The following CTNNBL1 variants were observed in gnomAD, a reference collection of about 807,000 sequenced individuals.
CTNNBL1 encodes the protein beta-catenin-like protein 1.
In CTNNBL1, 31 loss-of-function variants were observed where a neutral mutation model predicts 72.7. The ratio of observed to expected loss-of-function variants is 0.43; its 90% CI spans 0.32 to 0.58. The LOEUF (loss-of-function observed/expected upper bound fraction) is 0.58. Ranked by LOEUF, CTNNBL1 falls within the 20% of genes least tolerant of loss-of-function variation. The probability of loss-of-function intolerance (pLI) is 0.08; values close to 1 mark genes in which losing one functional copy is unlikely to be tolerated. For missense variants in CTNNBL1, 534 were observed against 725.1 expected (o/e 0.74, Z 3.03); for synonymous variants, 240 against 267.3 (o/e 0.90, Z 1.00).
chr20:37,746,708 G>T lies in CTNNBL1; in HGVS notation c.466+101G>T, dbSNP rs1302606789. On this transcript the variant is annotated intron_variant, in intron 4 of 15. Transcript: ENST00000361383. ...TTTGTAGATGTGTGCTATAAAATCT[G>T]ATGTTCTGTTTCCATTCTAATTATC... is the stretch of plus-strand genomic sequence containing the variant. 1.7e-5 allele frequency: 24 copies of T among 1,390,134 alleles called. No individual in the cohort carries two copies. The Admixed American group carries it at 3.9e-4, about 23-fold the overall frequency. 86.1% of individuals were successfully genotyped at this position (1,390,134 alleles called of 1,614,324 possible). A position where few individuals can be genotyped will look rare whatever the true frequency, so the allele number is the denominator to read the frequency against.
chr20:37,851,676 C>A (rs2072398442), intron 13 of CTNNBL1, among the ~76,000 whole-genome samples: 1 of 152,216 alleles, frequency 6.6e-6, no homozygotes, highest in Non-Finnish European at 1.5e-5. Context: ...AGAGATTCAT[C>A]TCTTTAAGCC....
At chr20:37,787,368 G>A (rs1476333644) in intron 10 of CTNNBL1, among the ~76,000 whole-genome samples, 3 of 116,586 alleles carry the variant, frequency 2.6e-5, no homozygotes, top group Non-Finnish European at 5.1e-5. Flanking sequence ...TTTTTGAGAC[G>A]GAGTCTCGCT....
At chr20:37,698,284 G>A (rs116111939) in intron 1 of CTNNBL1, among the ~76,000 whole-genome samples, 1 of 152,186 alleles carries the variant, frequency 6.6e-6, no homozygotes, top group African/African-American at 2.4e-5. Context: ...CCTAGGGCGG[G>A]CATGCTCATG....
intron 10 of CTNNBL1, among the ~76,000 whole-genome samples, chr20:37,786,355 T>C (rs577713249): frequency 1.9e-4 from 29 of 152,290 alleles, no homozygotes; most frequent in Non-Finnish European, 3.2e-4. Context: ...GGACAGCAAG[T>C]TCCCCCCAGC....
intron 5 of CTNNBL1, among the ~76,000 whole-genome samples, chr20:37,761,521 C>T (rs2073417532): frequency 6.6e-6 from 1 of 152,166 alleles, no homozygotes; most frequent in Non-Finnish European, 1.5e-5. Flanking sequence ...ATGTTCTCAC[C>T]TTCATCTGTA....
chr20:37,846,970 A>G (rs2072352257), intron 13 of CTNNBL1, among the ~76,000 whole-genome samples: 2 of 152,164 alleles, frequency 1.3e-5, no homozygotes, highest in South Asian at 2.1e-4. Context: ...TCGTTTTCTC[A>G]GGACAGCGTG....
In CTNNBL1 at chr20:37,775,512, C is replaced by T. The variant is rs149428421; in HGVS notation, c.751-1833C>T. ...AAATATGACACCCCAGTTGCCACAG[C>T]GCAAAGTTGGAGAACTGCAGATTTG... On this transcript the variant is annotated intron_variant, in intron 7 of 15. Coordinates refer to ENST00000361383, the MANE Select transcript of CTNNBL1 (RefSeq NM_030877.5). Among the ~76,000 whole-genome samples the T allele has an allele frequency of 2.5e-3, 383 of 152,310 alleles. 2 individuals are homozygous for T. Among genetic ancestry groups the T allele is most frequent in the African/African-American group, 8.8e-3 (364 of 41,570 alleles).
intron 7 of CTNNBL1, among the ~76,000 whole-genome samples, chr20:37,770,645 G>T (rs1209864763): frequency 9.9e-5 from 15 of 151,848 alleles, no homozygotes; most frequent in Admixed American, 9.8e-4. Flanking sequence ...CATAATGAAG[G>T]GGCCCATTTG....
At chr20:37,840,270 G>A in intron 12 of CTNNBL1, 71 bp downstream of exon 12, 1 of 1,158,766 alleles carries the variant, frequency 8.6e-7, no homozygotes. Context: ...TGTGATCTGA[G>A]GGATACTGGG....
intron 3 of CTNNBL1, among the ~76,000 whole-genome samples, chr20:37,744,003 A>G (rs949784160): frequency 6.6e-6 from 1 of 152,006 alleles, no homozygotes; most frequent in Admixed American, 6.6e-5. Flanking sequence ...TTATGTCAAA[A>G]AGCACAATGT....
At chr20:37,772,546 CA>C (rs1200351243) in intron 7 of CTNNBL1, among the ~76,000 whole-genome samples, 1 of 152,140 alleles carries the variant, frequency 6.6e-6, no homozygotes, top group Non-Finnish European at 1.5e-5. Context: ...GATGGGGTTT[CA>C]CCGTATTAGC....
At chr20:37,726,121 G>A (rs1365418161) in intron 1 of CTNNBL1, among the ~76,000 whole-genome samples, 2 of 152,144 alleles carry the variant, frequency 1.3e-5, no homozygotes, top group African/African-American at 2.4e-5. Flanking sequence ...TTACTTTCCA[G>A]GACTGCTGAG....
chr20:37,720,700 T>C (rs1392527639), intron 1 of CTNNBL1, among the ~76,000 whole-genome samples: 1 of 152,172 alleles, frequency 6.6e-6, no homozygotes, highest in Non-Finnish European at 1.5e-5. Context: ...TGAATGTGTC[T>C]TTTTCTTTTT....
chr20:37,815,121 G>A (rs1287865699), intron 11 of CTNNBL1, among the ~76,000 whole-genome samples: 4 of 145,896 alleles, frequency 2.7e-5, no homozygotes, highest in African/African-American at 1.0e-4. Flanking sequence ...TTGTATAAAG[G>A]GAATCATGAT....
At chr20:37,814,683 A>G (rs2072039472) in intron 11 of CTNNBL1, among the ~76,000 whole-genome samples, 1 of 152,160 alleles carries the variant, frequency 6.6e-6, no homozygotes, top group African/African-American at 2.4e-5. Context: ...TGGGGCTCCA[A>G]GCATCTATAT....
chr20:37,865,648 G>A (rs1306093569), intron 15 of CTNNBL1, among the ~76,000 whole-genome samples: 3 of 152,152 alleles, frequency 2.0e-5, no homozygotes, highest in Non-Finnish European at 4.4e-5. Context: ...GCTGTGACCC[G>A]AGAATGCTTC....
chr20:37,746,252 C>T (rs2073261531), intron 3 of CTNNBL1, among the ~76,000 whole-genome samples: 1 of 152,122 alleles, frequency 6.6e-6, no homozygotes, highest in Non-Finnish European at 1.5e-5. Context: ...TAAGGGAACC[C>T]TGTAATGAGA....
chr20:37,803,058 A>G lies in CTNNBL1; in HGVS notation c.1213+10A>G, dbSNP rs1468598905. 5.0e-6 allele frequency: 8 copies of G among 1,611,192 alleles called. No individual in the cohort carries two copies. Among genetic ancestry groups the G allele is most frequent in the African/African-American group, 2.7e-5 (2 of 74,822 alleles). ...GAGAAGGAACATGAAGGTAGGGTTC[A>G]CTGGAGGAGTCAGCCTAATTTAGGT... On this transcript the variant is annotated intron_variant, in intron 11 of 15. Coordinates refer to ENST00000361383, the MANE Select transcript of CTNNBL1 (RefSeq NM_030877.5).
chr20:37,805,266 T>C (rs1600498980), intron 11 of CTNNBL1, among the ~76,000 whole-genome samples: 1 of 152,266 alleles, frequency 6.6e-6, no homozygotes, highest in African/African-American at 2.4e-5. Context: ...TCAGGAATAC[T>C]GGTGGGCATG....
Sources: allele counts gnomAD v4.1 joint callset (sites outside exome capture counted in the v4.1 genomes callset), GRCh38; gene constraint gnomAD v4.1.1; transcripts MANE v1.5; gene names NCBI Gene and HGNC (gene_info 2026-07-23, HGNC 2026-07-21).